The following TBC1D14 variants were observed in gnomAD, a reference collection of about 807,000 sequenced individuals.
The protein encoded by TBC1D14 is TBC1 domain family, member 14.
A neutral mutation model predicts 79.0 loss-of-function variants in TBC1D14; 26 were observed. The observed-to-expected ratio is 0.33, with a 90% CI of 0.24 to 0.46. The LOEUF (loss-of-function observed/expected upper bound fraction) is 0.46, where lower values mean the gene tolerates loss of function less well. TBC1D14 is among the 20% of genes least tolerant of loss of function. The pLI is 1.00. For synonymous variants in TBC1D14, 394 were observed against 349.9 expected (o/e 1.13, Z -1.40); for missense variants, 769 against 887.6 (o/e 0.87, Z 1.70).
chr4:6,940,081 C>CT (rs1239422529), intron 2 of TBC1D14, among the ~76,000 whole-genome samples: 1 of 152,130 alleles, frequency 6.6e-6, no homozygotes, highest in Non-Finnish European at 1.5e-5. Flanking sequence ...GCAGCTGGTG[C>CT]TTTAGTTACT....
intron 2 of TBC1D14, among the ~76,000 whole-genome samples, chr4:6,944,078 C>A (rs1313863147): frequency 6.6e-6 from 1 of 152,036 alleles, no homozygotes; most frequent in Non-Finnish European, 1.5e-5. Flanking sequence ...AGCTTAGATA[C>A]GTTTCTTAAA....
chr4:7,003,616 A>C (rs1176634145), intron 7 of TBC1D14, among the ~76,000 whole-genome samples: 2 of 152,232 alleles, frequency 1.3e-5, no homozygotes, highest in African/African-American at 4.8e-5. Context: ...AAAGTGCTGA[A>C]AATTCCATGG....
intron 12 of TBC1D14, among the ~76,000 whole-genome samples, chr4:7,018,960 G>A (rs1037330411): frequency 6.6e-6 from 1 of 152,190 alleles, no homozygotes; most frequent in South Asian, 2.1e-4. Flanking sequence ...TATGGTTAGC[G>A]TTTCTGAAAT....
At chr4:6,958,603 T>C (rs984603657) in intron 2 of TBC1D14, among the ~76,000 whole-genome samples, 2 of 152,168 alleles carry the variant, frequency 1.3e-5, no homozygotes, top group African/African-American at 4.8e-5. Flanking sequence ...CTTATTTTTA[T>C]TTTAAATGTT....
intron 2 of TBC1D14, among the ~76,000 whole-genome samples, chr4:6,945,420 G>A (rs1241737088): frequency 6.6e-6 from 1 of 152,150 alleles, no homozygotes; most frequent in East Asian, 1.9e-4. Context: ...TCCACGGAAA[G>A]GGCTGGAAAG....
Position 6,924,040 on chromosome 4 carries a change from G to C in TBC1D14, c.651G>C (p.Gln217His). 6.2e-7 allele frequency: 1 copy of C among 1,614,100 alleles called. No individual in the cohort carries two copies. Among genetic ancestry groups the C allele is most frequent in the African/African-American group, 1.3e-5 (1 of 75,056 alleles). Reference protein sequence around the residue: ...SIKETRGLHQQDCVHEAEEGS... With the variant: ...SIKETRGLHQHDCVHEAEEGS... ...AGGAAACCCGTGGCTTACACCAGCA[G>C]GACTGTGTTCATGAAGCTGAGGAGG... The change falls in exon 2 of 14, where the codon CAG becomes CAC. Residue 217 changes from glutamine (Q) to histidine (H), a missense_variant. Gln to His is a conservative substitution (Grantham distance 24, BLOSUM62 0). Coordinates refer to ENST00000409757, the MANE Select transcript of TBC1D14 (RefSeq NM_020773.3).
intron 1 of TBC1D14, among the ~76,000 whole-genome samples, chr4:6,917,487 A>G (rs561367475): frequency 6.6e-6 from 1 of 152,162 alleles, no homozygotes; most frequent in East Asian, 1.9e-4. Flanking sequence ...TGAAAGCACC[A>G]ATTGAGTGTC....
chr4:7,023,695 C>T (rs1262889326), intron 12 of TBC1D14, among the ~76,000 whole-genome samples: 1 of 152,206 alleles, frequency 6.6e-6, no homozygotes, highest in Admixed American at 6.5e-5. Flanking sequence ...TGGCTCGGGA[C>T]TTACTGGTGG....
intron 2 of TBC1D14, chr4:6,954,349 G>A (rs28600843): frequency 2.8e-6 from 2 of 717,530 alleles, no homozygotes; most frequent in Non-Finnish European, 5.2e-6. Flanking sequence ...GTTTGTGGCT[G>A]CTTTCTTGCC....
At chr4:6,992,896 G>T (rs1000366731) in intron 3 of TBC1D14, among the ~76,000 whole-genome samples, 2 of 152,208 alleles carry the variant, frequency 1.3e-5, no homozygotes, top group Admixed American at 6.5e-5. Flanking sequence ...TTAAGCCACA[G>T]TAAACAGTGT....
intron 1 of TBC1D14, among the ~76,000 whole-genome samples, chr4:6,912,835 C>T (rs1723113184): frequency 6.6e-6 from 1 of 152,184 alleles, no homozygotes; most frequent in Non-Finnish European, 1.5e-5. Context: ...CATTTTGCTG[C>T]AAGGAAACCA....
At chr4:6,940,747 G>C (rs1374584131) in intron 2 of TBC1D14, among the ~76,000 whole-genome samples, 1 of 152,210 alleles carries the variant, frequency 6.6e-6, no homozygotes, top group African/African-American at 2.4e-5. Flanking sequence ...AGTCTGCTCT[G>C]CCTGGCCGGC....
intron 13 of TBC1D14, among the ~76,000 whole-genome samples, chr4:7,026,218 C>A (rs181849237): frequency 1.3e-5 from 2 of 152,016 alleles, no homozygotes; most frequent in East Asian, 3.9e-4. Context: ...AAATAATGCA[C>A]CCCCACACGC....
At chr4:7,013,521 C>A (rs752494267) in intron 11 of TBC1D14, among the ~76,000 whole-genome samples, 1 of 152,216 alleles carries the variant, frequency 6.6e-6, no homozygotes, top group Non-Finnish European at 1.5e-5. Flanking sequence ...CAGCTTTGTA[C>A]ATTTTGCTTC....
At chr4:7,014,362 G>T in intron 11 of TBC1D14, 86 bp from the exon 12 acceptor site, 1 of 806,976 alleles carries the variant, frequency 1.2e-6, no homozygotes, top group South Asian at 1.5e-5. Flanking sequence ...AATTGTTAGA[G>T]TCTAAAGATA....
intron 12 of TBC1D14, among the ~76,000 whole-genome samples, chr4:7,015,039 G>A (rs1055830267): frequency 2.6e-5 from 4 of 152,130 alleles, no homozygotes; most frequent in East Asian, 1.9e-4. Flanking sequence ...CAGAGTCAGC[G>A]GGCACTGTAG....
chr4:7,010,517 G>C, intron 10 of TBC1D14, 136 bp from the exon 11 acceptor site: 1 of 1,048,754 alleles, frequency 9.5e-7, no homozygotes, highest in East Asian at 2.7e-5. Flanking sequence ...GTTCAGCGTT[G>C]GGTGGCCGGA....
chr4:7,030,481 A>G lies in TBC1D14; in HGVS notation c.*89A>G, dbSNP rs1228498854. 1.1e-5 allele frequency: 15 copies of G among 1,342,710 alleles called. No homozygotes were observed. Among genetic ancestry groups the G allele is most frequent in the Non-Finnish European group, 1.6e-5 (15 of 945,182 alleles). The allele number at this position is 1,342,710 out of a possible 1,614,324, so 83.2% of individuals were successfully genotyped here. ...TCAGACTGACACCCGGGCAGCCGAGAAGAACAGACGCTCTTTAAGTTTGAT... is the reference window on the plus strand; with the variant it reads ...TCAGACTGACACCCGGGCAGCCGAGGAGAACAGACGCTCTTTAAGTTTGAT... On this transcript the variant is annotated 3_prime_UTR_variant, in exon 14 of 14. Transcript: ENST00000409757.
At position 7,031,656 on chromosome 4, in the gene TBC1D14, G is replaced by A. The variant is rs1723058473; in HGVS notation, c.*1264G>A. The A allele has an allele frequency of 6.6e-6, 1 of 152,256 alleles. No homozygotes were observed. The highest frequency in any genetic ancestry group is 1.5e-5 in the Non-Finnish European group (1 of 68,064). The allele number at this position is 152,256 out of a possible 1,614,324, so 9.4% of individuals were successfully genotyped here. On this transcript the variant is annotated 3_prime_UTR_variant, in exon 14 of 14. Transcript: ENST00000409757. ...AGGGCAGGCCAGTGTCTGGAAGCAGGGCCCACGTGGCGGTCCGCTGGCAGG... is the reference window on the plus strand; with the variant it reads ...AGGGCAGGCCAGTGTCTGGAAGCAGAGCCCACGTGGCGGTCCGCTGGCAGG...
Sources: gnomAD v4.1 joint callset for allele counts (sites outside exome capture counted in the v4.1 genomes callset) on GRCh38, gnomAD v4.1.1 for gene constraint, MANE v1.5 for transcripts, NCBI Gene and HGNC (gene_info 2026-07-23, HGNC 2026-07-21) for gene names.